The following MYO3B variants were observed in gnomAD, a reference collection of about 807,000 sequenced individuals.
MYO3B encodes the protein myosin IIIB, also known as myosin-IIIb.
A neutral mutation model predicts 174.6 loss-of-function variants in MYO3B; 156 were observed. The observed-to-expected ratio is 0.89, with a 90% confidence interval of 0.78 to 1.02. The LOEUF is 1.02. Among genes scored for constraint, MYO3B ranks in the 50% least tolerant of loss-of-function variants. The probability of loss-of-function intolerance (pLI) is 0.00; values close to 1 mark genes in which losing one functional copy is unlikely to be tolerated. For synonymous variants in MYO3B, 563 were observed against 569.1 expected (o/e 0.99, Z 0.15); for missense variants, 1,632 against 1,639.4 (o/e 1.00, Z 0.08).
intron 5 of MYO3B, 150 bp from the exon 6 acceptor site, chr2:170,217,169 C>G: frequency 1.5e-6 from 1 of 653,078 alleles, no homozygotes; most frequent in South Asian, 2.0e-5. Flanking sequence ...TGCTTTTGTA[C>G]TATTGCAGCA....
At chr2:170,481,340 C>A (rs1559043035) in intron 25 of MYO3B, among the ~76,000 whole-genome samples, 1 of 152,162 alleles carries the variant, frequency 6.6e-6, no homozygotes, top group African/African-American at 2.4e-5. Context: ...CGCCTGTAAC[C>A]CCAGGAGGCC....
At chr2:170,376,327 G>C (rs538512566) in intron 9 of MYO3B, among the ~76,000 whole-genome samples, 1 of 152,024 alleles carries the variant, frequency 6.6e-6, no homozygotes, top group Non-Finnish European at 1.5e-5. Flanking sequence ...ATATAGTTAC[G>C]GTAAAATAAA....
At chr2:170,475,658 T>G (rs1429207280) in intron 25 of MYO3B, among the ~76,000 whole-genome samples, 1 of 152,190 alleles carries the variant, frequency 6.6e-6, no homozygotes, top group Non-Finnish European at 1.5e-5. Context: ...CTAGTCTCTG[T>G]TTACCTTACA....
intron 3 of MYO3B, among the ~76,000 whole-genome samples, chr2:170,208,088 C>A (rs965238542): frequency 1.3e-5 from 2 of 152,188 alleles, no homozygotes; most frequent in Non-Finnish European, 2.9e-5. Flanking sequence ...AAATGGGAAG[C>A]CTGGCTTAAC....
At chr2:170,384,046 C>T (rs4668253) in intron 12 of MYO3B, 34,125 of 423,496 alleles carry the variant, frequency 0.081, 4,628 homozygotes, top group East Asian at 0.52. Context: ...GAGGTGCGCT[C>T]ATTTTCTCTG....
At chr2:170,558,989 A>G (rs1020776003) in intron 32 of MYO3B, among the ~76,000 whole-genome samples, 9 of 152,256 alleles carry the variant, frequency 5.9e-5, no homozygotes, top group Non-Finnish European at 1.5e-5. Context: ...TTGGTGCTGC[A>G]TGGAGTTATT....
intron 32 of MYO3B, among the ~76,000 whole-genome samples, chr2:170,633,056 G>C (rs967655885): frequency 6.6e-6 from 1 of 152,136 alleles, no homozygotes; most frequent in Non-Finnish European, 1.5e-5. Flanking sequence ...GGAGGAGCTG[G>C]TACCATTCCT....
At chr2:170,494,727 C>CAAAAAAAAAAAAAAAA (rs3066990) in intron 25 of MYO3B, among the ~76,000 whole-genome samples, 3 of 92,034 alleles carry the variant, frequency 3.3e-5, no homozygotes, top group Admixed American at 1.5e-4. Context: ...AACTGCGTCT[C>CAAAAAAAAAAAAAAAA]AAAAAAAAAA....
chr2:170,551,357 T>A (rs1690887765), intron 32 of MYO3B, among the ~76,000 whole-genome samples: 2 of 138,112 alleles, frequency 1.4e-5, no homozygotes, highest in Admixed American at 7.8e-5. Flanking sequence ...TAATTATTTA[T>A]TTATTTATTT....
At chr2:170,527,544 A>G (rs1168413381) in intron 30 of MYO3B, among the ~76,000 whole-genome samples, 2 of 152,206 alleles carry the variant, frequency 1.3e-5, no homozygotes, top group African/African-American at 2.4e-5. Context: ...ACAGATCCCT[A>G]CTTAACCGCC....
chr2:170,420,379 T>G (rs2094606843), intron 22 of MYO3B, among the ~76,000 whole-genome samples: 1 of 152,154 alleles, frequency 6.6e-6, no homozygotes, highest in Non-Finnish European at 1.5e-5. Flanking sequence ...AGTGAAATTG[T>G]TTCTGGATTA....
At chr2:170,404,520 A>T in intron 20 of MYO3B, 120 bp downstream of exon 20, 2 of 917,492 alleles carry the variant, frequency 2.2e-6, no homozygotes, top group Non-Finnish European at 3.2e-6. Flanking sequence ...GTTTGTAAGA[A>T]TATAGGCCTT....
chr2:170,479,054 C>T (rs953411709), intron 25 of MYO3B, among the ~76,000 whole-genome samples: 3 of 150,182 alleles, frequency 2.0e-5, no homozygotes, highest in Non-Finnish European at 4.4e-5. Context: ...GAGGCCGAGG[C>T]GGGTGGATCA....
At chr2:170,269,817 A>G (rs2093413369) in intron 7 of MYO3B, among the ~76,000 whole-genome samples, 1 of 152,222 alleles carries the variant, frequency 6.6e-6, no homozygotes, top group African/African-American at 2.4e-5. Flanking sequence ...GAGGTCCTCA[A>G]ACTTTAGTGT....
At chr2:170,611,631 C>T (rs961417079) in intron 32 of MYO3B, among the ~76,000 whole-genome samples, 2 of 152,124 alleles carry the variant, frequency 1.3e-5, no homozygotes, top group East Asian at 3.8e-4. Flanking sequence ...AATTCAAAAG[C>T]CTCCTACTAC....
intron 32 of MYO3B, among the ~76,000 whole-genome samples, chr2:170,580,877 T>G (rs1269608407): frequency 6.6e-6 from 1 of 152,180 alleles, no homozygotes; most frequent in East Asian, 1.9e-4. Flanking sequence ...TTGATACATA[T>G]AGAACTCTCA....
chr2:170,234,827 C>G (rs958757267), intron 6 of MYO3B, among the ~76,000 whole-genome samples: 1 of 152,178 alleles, frequency 6.6e-6, no homozygotes, highest in Non-Finnish European at 1.5e-5. Context: ...GCTGTACATT[C>G]AAAATTATAC....
intron 8 of MYO3B, among the ~76,000 whole-genome samples, chr2:170,337,337 C>T (rs1398347124): frequency 6.6e-6 from 1 of 152,136 alleles, no homozygotes; most frequent in Non-Finnish European, 1.5e-5. Flanking sequence ...TTCATTGCCA[C>T]ACACAGATAC....
At chr2:170,350,093 C>A (rs1302395716) in intron 8 of MYO3B, among the ~76,000 whole-genome samples, 1 of 151,906 alleles carries the variant, frequency 6.6e-6, no homozygotes, top group South Asian at 2.1e-4. Context: ...TCTCAACCTC[C>A]CAGGGTGAAG....
Sources: allele counts gnomAD v4.1 joint callset (sites outside exome capture counted in the v4.1 genomes callset), GRCh38; gene constraint gnomAD v4.1.1; transcripts MANE v1.5; gene names NCBI Gene and HGNC (gene_info 2026-07-23, HGNC 2026-07-21).